NDST4: variants seen among roughly 807,000 people sequenced by gnomAD.
The protein encoded by NDST4 is N-heparan sulfate sulfotransferase 4.
In NDST4, 63 loss-of-function variants were observed where a neutral mutation model predicts 100.8. The observed-to-expected ratio is 0.62, with a 90% CI of 0.51 to 0.77. The LOEUF (loss-of-function observed/expected upper bound fraction) is 0.77, where lower values mean the gene tolerates loss of function less well. Among genes scored for constraint, NDST4 ranks in the 30% least tolerant of loss-of-function variants. NDST4 has a pLI of 0.00. For missense variants in NDST4, 943 were observed against 1,018.4 expected (o/e 0.93, Z 1.01); for synonymous variants, 377 against 361.8 (o/e 1.04, Z -0.48).
intron 4 of NDST4, among the ~76,000 whole-genome samples, chr4:114,964,114 T>C (rs987913771): frequency 5.3e-5 from 8 of 152,218 alleles, no homozygotes. Flanking sequence ...GCCTTAGCTC[T>C]AATGAAGCCA....
intron 6 of NDST4, among the ~76,000 whole-genome samples, chr4:114,908,357 TC>T (rs1356901418): frequency 9.2e-5 from 14 of 152,164 alleles, no homozygotes; most frequent in Non-Finnish European, 1.5e-4. Flanking sequence ...CACATTGTCC[TC>T]AATAAGCATG....
intron 4 of NDST4, among the ~76,000 whole-genome samples, chr4:114,954,135 G>A (rs1194091782): frequency 1.3e-5 from 2 of 151,976 alleles, no homozygotes; most frequent in African/African-American, 2.4e-5. Context: ...TCACTGCTCT[G>A]TCTTCCAGGG....
chr4:114,853,735 T>C lies in NDST4; in HGVS notation c.1720-914A>G, dbSNP rs139387240. ...TATTTTTATATTTATTATCCCAATATTAACAATGAAACAAGAAGGAAAAAC... is the reference window on the plus strand; with the variant it reads ...TATTTTTATATTTATTATCCCAATACTAACAATGAAACAAGAAGGAAAAAC... On this transcript the variant is annotated intron_variant, in intron 7 of 13. Coordinates refer to ENST00000264363, the MANE Select transcript of NDST4 (RefSeq NM_022569.3). Among the ~76,000 whole-genome samples the C allele has an allele frequency of 4.1e-3, 620 of 152,292 alleles. 6 individuals carry two copies. The highest frequency in any genetic ancestry group is 0.011 in the South Asian group (52 of 4,832).
At chr4:115,098,126 C>G (rs925988647) in intron 1 of NDST4, among the ~76,000 whole-genome samples, 1 of 152,074 alleles carries the variant, frequency 6.6e-6, no homozygotes, top group Non-Finnish European at 1.5e-5. Flanking sequence ...GTCTATCACT[C>G]CAATTAAAAT....
At chr4:114,902,570 G>C (rs1724867786) in intron 6 of NDST4, among the ~76,000 whole-genome samples, 1 of 151,916 alleles carries the variant, frequency 6.6e-6, no homozygotes, top group South Asian at 2.1e-4. Flanking sequence ...TATCCTCCTT[G>C]ATATTCTCTG....
At chr4:114,986,788 T>TTATATATATATA (rs1236404282) in intron 2 of NDST4, among the ~76,000 whole-genome samples, 8 of 65,980 alleles carry the variant, frequency 1.2e-4, no homozygotes, top group East Asian at 6.2e-4. Flanking sequence ...TGGTATCCAA[T>TTATATATATATA]TATACATATA....
intron 2 of NDST4, among the ~76,000 whole-genome samples, chr4:115,047,006 G>C (rs1728475851): frequency 6.6e-6 from 1 of 151,948 alleles, no homozygotes; most frequent in Non-Finnish European, 1.5e-5. Flanking sequence ...AGCACTTAAT[G>C]ATGTTCATTC....
At chr4:114,986,952 C>T (rs1051120607) in intron 2 of NDST4, among the ~76,000 whole-genome samples, 2 of 150,780 alleles carry the variant, frequency 1.3e-5, no homozygotes, top group Non-Finnish European at 3.0e-5. Context: ...GTTTGTGTGG[C>T]ATAATTATTT....
At chr4:115,045,580 C>A (rs1287749803) in intron 2 of NDST4, among the ~76,000 whole-genome samples, 2 of 152,082 alleles carry the variant, frequency 1.3e-5, no homozygotes, top group African/African-American at 4.8e-5. Context: ...TTGTTGAATG[C>A]CTGACCTCCC....
intron 2 of NDST4, among the ~76,000 whole-genome samples, chr4:115,042,448 G>C (rs576409537): frequency 6.6e-6 from 1 of 152,020 alleles, no homozygotes; most frequent in African/African-American, 2.4e-5. Flanking sequence ...ACCATCTCCC[G>C]TAATCACAAG....
At chr4:115,010,867 G>T (rs1727529393) in intron 2 of NDST4, among the ~76,000 whole-genome samples, 1 of 151,944 alleles carries the variant, frequency 6.6e-6, no homozygotes, top group Admixed American at 6.6e-5. Flanking sequence ...AGGCACTTTG[G>T]TCACTTACTA....
At position 114,986,819 on chromosome 4, in the gene NDST4, TATATATATATA is replaced by T. The variant is rs1560845389; in HGVS notation, c.979-9556_979-9546del. ...ATATATATATATATATATATATATA[TATATATATATA>T]TATTTTAATATACTATTCCTATAAG... On this transcript the variant is annotated intron_variant, in intron 2 of 13. Coordinates refer to ENST00000264363, the MANE Select transcript of NDST4 (RefSeq NM_022569.3). Among the ~76,000 whole-genome samples, 15 of 125,574 alleles carry T rather than the reference TATATATATATA, an allele frequency of 1.2e-4. No homozygotes were observed. In the East Asian group the frequency reaches 1.4e-3, roughly 12 times the overall value. 82.4% of individuals were successfully genotyped at this position (125,574 alleles called of 152,430 possible). A position where few individuals can be genotyped will look rare whatever the true frequency, so the allele number is the denominator to read the frequency against.
At chr4:114,925,307 T>C (rs182072124) in intron 6 of NDST4, among the ~76,000 whole-genome samples, 2 of 152,304 alleles carry the variant, frequency 1.3e-5, no homozygotes, top group Admixed American at 1.3e-4. Flanking sequence ...CATTTTATTT[T>C]GTTGCTCTGC....
intron 10 of NDST4, among the ~76,000 whole-genome samples, chr4:114,842,017 T>C (rs1321848611): frequency 6.6e-6 from 1 of 152,116 alleles, no homozygotes; most frequent in Non-Finnish European, 1.5e-5. Context: ...AAAAATTCCC[T>C]TTTAGTCTTC....
intron 10 of NDST4, among the ~76,000 whole-genome samples, chr4:114,843,015 CATT>C (rs1200090138): frequency 6.6e-6 from 1 of 152,076 alleles, no homozygotes; most frequent in African/African-American, 2.4e-5. Context: ...CTAGACTCAT[CATT>C]ATCATATGAT....
chr4:115,060,754 C>T (rs571576814), intron 2 of NDST4, among the ~76,000 whole-genome samples: 19 of 151,886 alleles, frequency 1.3e-4, no homozygotes, highest in African/African-American at 3.9e-4. Flanking sequence ...AAAATACACA[C>T]ACACAGAGAG....
intron 6 of NDST4, among the ~76,000 whole-genome samples, chr4:114,895,042 T>C (rs1325679814): frequency 6.6e-6 from 1 of 152,038 alleles, no homozygotes; most frequent in East Asian, 1.9e-4. Context: ...GCTAGAAAGC[T>C]CTCAAATCAA....
intron 2 of NDST4, among the ~76,000 whole-genome samples, chr4:115,031,146 T>TAC (rs1728106166): frequency 6.6e-6 from 1 of 152,110 alleles, no homozygotes; most frequent in East Asian, 1.9e-4. Flanking sequence ...TCTGATTTAA[T>TAC]ACACATCTTC....
At chr4:115,031,774 T>C (rs1728121653) in intron 2 of NDST4, among the ~76,000 whole-genome samples, 1 of 152,102 alleles carries the variant, frequency 6.6e-6, no homozygotes, top group African/African-American at 2.4e-5. Flanking sequence ...TCTTCCCTTT[T>C]ATAAACTAGA....
Sources: allele counts gnomAD v4.1 joint callset (sites outside exome capture counted in the v4.1 genomes callset), GRCh38; gene constraint gnomAD v4.1.1; transcripts MANE v1.5; gene names NCBI Gene and HGNC (gene_info 2026-07-23, HGNC 2026-07-21).